Variants in ABCC9 observed in about 807,000 individuals in gnomAD.
The protein encoded by ABCC9 is ATP-binding cassette sub-family C member 9.
In ABCC9, 95 loss-of-function variants were observed where a neutral mutation model predicts 188.3. That is an observed-to-expected ratio of 0.50 (90% CI 0.43 to 0.60). The LOEUF is 0.60. Among genes scored for constraint, ABCC9 ranks in the 20% least tolerant of loss-of-function variants. The probability of loss-of-function intolerance (pLI) is 0.00; values close to 1 mark genes in which losing one functional copy is unlikely to be tolerated. For synonymous variants in ABCC9, 659 were observed against 652.7 expected (o/e 1.01, Z -0.15); for missense variants, 1,102 against 1,876.3 (o/e 0.59, Z 7.62).
Position 21,872,739 on chromosome 12 carries a change from G to A in ABCC9, c.2093-9C>T. 2 of 1,578,494 alleles carry A rather than the reference G, an allele frequency of 1.3e-6. No individual in the cohort carries two copies. Among genetic ancestry groups the A allele is most frequent in the Non-Finnish European group, 1.7e-6 (2 of 1,147,754 alleles). On this transcript the variant is annotated splice_polypyrimidine_tract_variant and intron_variant, in intron 17 of 39. Transcript: ENST00000261200. ...AATCATGGTTAACTGACCTAGGAAA[G>A]CAAAACAAAGGATAACTACAGAATG... is the stretch of plus-strand genomic sequence containing the variant.
intron 19 of ABCC9, among the ~76,000 whole-genome samples, chr12:21,863,852 A>T (rs1286539647): frequency 6.6e-6 from 1 of 152,156 alleles, no homozygotes; most frequent in Admixed American, 6.6e-5. Flanking sequence ...AGGTTAAAAA[A>T]GAGAGTAGCT....
chr12:21,833,529 A>C (rs1264438233), intron 30 of ABCC9, among the ~76,000 whole-genome samples: 1 of 151,912 alleles, frequency 6.6e-6, no homozygotes. Flanking sequence ...CTGAATCTTG[A>C]CTCTTGGTCA....
At chr12:21,816,498 G>C (rs1461759539) in intron 33 of ABCC9, among the ~76,000 whole-genome samples, 2 of 152,074 alleles carry the variant, frequency 1.3e-5, no homozygotes, top group African/African-American at 2.4e-5. Flanking sequence ...TGCCTGAGAT[G>C]AATTTTAAAG....
chr12:21,807,588 A>C (rs1157201962), intron 37 of ABCC9, 109 bp from the exon 38 acceptor site: 1 of 1,461,810 alleles, frequency 6.8e-7, no homozygotes, highest in African/African-American at 1.4e-5. Context: ...GATGGATATC[A>C]CTTAGTGCTG....
intron 39 of ABCC9, among the ~76,000 whole-genome samples, chr12:21,801,449 AC>A (rs566909450): frequency 1.1e-3 from 162 of 152,294 alleles, no homozygotes; most frequent in African/African-American, 3.7e-3. Context: ...TTTTCATGAA[AC>A]CTTAAGTTTA....
intron 5 of ABCC9, among the ~76,000 whole-genome samples, chr12:21,921,982 T>A (rs1592241431): frequency 6.6e-6 from 1 of 152,044 alleles, no homozygotes; most frequent in Non-Finnish European, 1.5e-5. Context: ...AGCTTTGTAG[T>A]ATGAAATCAG....
chr12:21,858,586 A>T (rs1945346010), intron 22 of ABCC9, among the ~76,000 whole-genome samples: 1 of 152,178 alleles, frequency 6.6e-6, no homozygotes, highest in African/African-American at 2.4e-5. Flanking sequence ...CTCAAAAAAA[A>T]AAAAAAATCT....
chr12:21,827,233 T>A, intron 31 of ABCC9: 1 of 985,398 alleles, frequency 1.0e-6, no homozygotes, highest in Non-Finnish European at 1.2e-6. Flanking sequence ...ATATCTTGTC[T>A]TCTGGCTATG....
At chr12:21,889,544 C>T (rs1405137930) in intron 14 of ABCC9, among the ~76,000 whole-genome samples, 2 of 152,128 alleles carry the variant, frequency 1.3e-5, no homozygotes, top group Non-Finnish European at 2.9e-5. Flanking sequence ...CTTTATAATT[C>T]CAAATCTAGC....
intron 1 of ABCC9, 84 bp from the exon 2 acceptor site, chr12:21,940,909 G>GTAATAATAACTCCTAA (rs1949660440): frequency 1.3e-5 from 2 of 152,152 alleles, no homozygotes; most frequent in South Asian, 2.1e-4. Context: ...AAGAAAGGCG[G>GTAATAATAACTCCTAA]TAATAATAAC....
intron 18 of ABCC9, among the ~76,000 whole-genome samples, chr12:21,871,429 C>T (rs1215893374): frequency 5.3e-5 from 8 of 152,178 alleles, no homozygotes; most frequent in African/African-American, 1.9e-4. Flanking sequence ...CAGTCTTCTT[C>T]TTTTGCCAAT....
At chr12:21,819,849 A>G (rs1942924814) in intron 31 of ABCC9, among the ~76,000 whole-genome samples, 1 of 152,184 alleles carries the variant, frequency 6.6e-6, no homozygotes, top group Non-Finnish European at 1.5e-5. Context: ...CATAGAGTTA[A>G]TCCTTTGAGG....
At chr12:21,887,282 A>T (rs1946925705) in intron 15 of ABCC9, among the ~76,000 whole-genome samples, 1 of 152,224 alleles carries the variant, frequency 6.6e-6, no homozygotes, top group Admixed American at 6.5e-5. Context: ...TCTACAACTT[A>T]CAAGATTCAA....
At chr12:21,870,570 C>T (rs704201) in intron 18 of ABCC9, among the ~76,000 whole-genome samples, 151,974 of 152,326 alleles carry the variant, frequency 1, 75,812 homozygotes, top group Middle Eastern at 1. Context: ...TCTTTCACAG[C>T]TCTCTCCAAA....
At chr12:21,927,937 T>C (rs1354653856) in intron 4 of ABCC9, among the ~76,000 whole-genome samples, 1 of 152,086 alleles carries the variant, frequency 6.6e-6, no homozygotes, top group Non-Finnish European at 1.5e-5. Flanking sequence ...AGAAAGAATC[T>C]GGCTGGACGT....
intron 35 of ABCC9, among the ~76,000 whole-genome samples, chr12:21,812,917 C>T (rs1256709247): frequency 6.6e-6 from 1 of 152,032 alleles, no homozygotes; most frequent in African/African-American, 2.4e-5. Context: ...ATATATTTCT[C>T]CTAAGGGAAT....
chr12:21,920,712 C>A (rs1301381040), intron 5 of ABCC9, among the ~76,000 whole-genome samples: 1 of 152,012 alleles, frequency 6.6e-6, no homozygotes, highest in Admixed American at 6.6e-5. Context: ...CCTCTCCCAG[C>A]ACCCCACGAC....
At chr12:21,842,961 T>C (rs1944468254) in intron 28 of ABCC9, among the ~76,000 whole-genome samples, 2 of 152,180 alleles carry the variant, frequency 1.3e-5, no homozygotes, top group Non-Finnish European at 2.9e-5. Context: ...GTATATATTA[T>C]GTTTATTTAA....
Position 21,805,255 on chromosome 12 carries a change from A to C in ABCC9, c.4512+743T>G. On this transcript the variant is annotated intron_variant, in intron 39 of 39. Transcript: ENST00000261200. ...TTGGGACAGTATCACACTCCACTAA[A>C]ATACCCTCAGAAAAGACTAAAACAA... 1.9e-6 allele frequency: 3 copies of C among 1,613,732 alleles called. No homozygotes were observed. Among genetic ancestry groups the C allele is most frequent in the Non-Finnish European group, 2.5e-6 (3 of 1,179,696 alleles).
Sources: allele counts gnomAD v4.1 joint callset (sites outside exome capture counted in the v4.1 genomes callset), GRCh38; gene constraint gnomAD v4.1.1; transcripts MANE v1.5; gene names NCBI Gene and HGNC (gene_info 2026-07-23, HGNC 2026-07-21).